The following ITGB8 variants were observed in gnomAD, a reference collection of about 807,000 sequenced individuals.
ITGB8 encodes integrin beta-8.
ITGB8 carries 30 observed loss-of-function variants against 89.5 expected under a neutral mutation model. That is an observed-to-expected ratio of 0.34 (90% CI 0.25 to 0.45). The LOEUF (loss-of-function observed/expected upper bound fraction) is 0.45, where lower values mean the gene tolerates loss of function less well. Ranked by LOEUF, ITGB8 falls within the 20% of genes least tolerant of loss-of-function variation. The pLI, the probability that ITGB8 is intolerant of heterozygous loss-of-function variation, is 1.00. For synonymous variants in ITGB8, 335 were observed against 320.4 expected (o/e 1.05, Z -0.49); for missense variants, 836 against 933.3 (o/e 0.90, Z 1.36).
chr7:20,363,842 A>G, intron 2 of ITGB8, 120 bp downstream of exon 2: 1 of 477,568 alleles, frequency 2.1e-6, no homozygotes, highest in Non-Finnish European at 3.7e-6. Context: ...GCTGAACATA[A>G]GGAAAATTTT....
intron 7 of ITGB8, 102 bp from the exon 8 acceptor site, chr7:20,394,794 G>A (rs1389034144): frequency 2.5e-6 from 2 of 785,806 alleles, no homozygotes; most frequent in Non-Finnish European, 4.3e-6. Context: ...TCATTTAATG[G>A]TTCACCTTCA....
At chr7:20,382,681 GT>G (rs111617774) in intron 6 of ITGB8, among the ~76,000 whole-genome samples, 1 of 152,064 alleles carries the variant, frequency 6.6e-6, no homozygotes, top group African/African-American at 2.4e-5. Context: ...TAATAGTTCT[GT>G]TTTTTTAAGT....
Position 20,394,609 on chromosome 7 carries a change from A to C in ITGB8, c.1057-287A>C, listed in dbSNP as rs377163288. Among the ~76,000 whole-genome samples the C allele has an allele frequency of 2.6e-5, 4 of 152,304 alleles. No individual in the cohort carries two copies. The South Asian group carries it at 8.3e-4, about 32-fold the overall frequency. On this transcript the variant is annotated intron_variant, in intron 7 of 13. Transcript: ENST00000222573. ...CTTGGGCTTTACATTCCATGGAAGA[A>C]ATTTGGGAGATGCTCATCTGCATTT...
chr7:20,379,526 C>CAA (rs34759507), intron 4 of ITGB8: 65,115 of 178,482 alleles, frequency 0.36, 12,097 homozygotes, highest in Non-Finnish European at 0.4. Context: ...TTTTTATCAC[C>CAA]AAAAAAAACA....
intron 8 of ITGB8, 62 bp downstream of exon 8, chr7:20,395,047 T>C: frequency 4.3e-6 from 4 of 920,596 alleles, no homozygotes; most frequent in Non-Finnish European, 6.9e-6. Context: ...TGTGACAAGG[T>C]ACAAAGTAGT....
intron 3 of ITGB8, among the ~76,000 whole-genome samples, chr7:20,374,175 ACT>A (rs1786042740): frequency 6.6e-6 from 1 of 152,162 alleles, no homozygotes; most frequent in Non-Finnish European, 1.5e-5. Context: ...TCTTAGAGAA[ACT>A]CTGTGGAAGC....
chr7:20,409,985 G>A lies in ITGB8; in HGVS notation c.2298G>A (p.Arg766=), dbSNP rs753940867. ...AATTAAATGCTCATGAAACTTTCAG[G>A]TGCAACTTCTAAAAAAAGATTTTTA... The part of the protein sequence containing the change: ...ISKLNAHETF[R]CNF Residue 766 remains arginine (R), a synonymous_variant, in exon 14 of 14, where the codon AGG becomes AGA. Coordinates refer to ENST00000222573, the MANE Select transcript of ITGB8 (RefSeq NM_002214.3). 4 of 1,607,826 alleles carry A rather than the reference G, an allele frequency of 2.5e-6. No individual in the cohort carries two copies. The highest frequency in any genetic ancestry group is 3.4e-5 in the Admixed American group (2 of 58,572).
chr7:20,360,818 A>T (rs2127939446), intron 1 of ITGB8, among the ~76,000 whole-genome samples: 1 of 150,882 alleles, frequency 6.6e-6, no homozygotes, highest in Admixed American at 6.6e-5. Flanking sequence ...ATGTAAACAC[A>T]GGTGTCTTTT....
rs566296097 is a variant in ITGB8 at position 20,349,562 on chromosome 7, G to A, written c.128-14075G>A. Among the ~76,000 whole-genome samples, 28 of 151,850 alleles carry A rather than the reference G, an allele frequency of 1.8e-4. No homozygotes were observed. In the South Asian group the frequency reaches 5.8e-3, roughly 32 times the overall value. On this transcript the variant is annotated intron_variant, in intron 1 of 13. Coordinates refer to ENST00000222573, the MANE Select transcript of ITGB8 (RefSeq NM_002214.3). Reference sequence around the variant, plus strand: ...AGATTTTTTATTATCTCACAAACAAGTTCAATCCATACAAAAAAGTATTAA... The same window carrying A: ...AGATTTTTTATTATCTCACAAACAAATTCAATCCATACAAAAAAGTATTAA...
intron 1 of ITGB8, among the ~76,000 whole-genome samples, chr7:20,359,466 G>A (rs1376298630): frequency 3.3e-5 from 5 of 152,234 alleles, no homozygotes; most frequent in Non-Finnish European, 7.3e-5. Flanking sequence ...GTGCAGTGCT[G>A]AGGGCTGCTA....
chr7:20,393,676 T>C (rs1419604345), intron 7 of ITGB8, among the ~76,000 whole-genome samples: 4 of 152,274 alleles, frequency 2.6e-5, no homozygotes, highest in Non-Finnish European at 4.4e-5. Context: ...ATGCTTCTAA[T>C]CCTCCTGTGC....
rs547129704 is a variant in ITGB8, at chr7:20,350,522, G to GTACA, written c.128-13113_128-13110dup. ...AACAGTCCCATAAACTCACAGAACT[G>GTACA]TACATGCTATAAAGCAAATGTTCTC... On this transcript the variant is annotated intron_variant, in intron 1 of 13. Transcript: ENST00000222573. Among the ~76,000 whole-genome samples, 19 of 152,312 alleles carry GTACA rather than the reference G, an allele frequency of 1.2e-4. No homozygotes were observed. The East Asian group carries it at 2.7e-3, about 22-fold the overall frequency.
chr7:20,361,977 G>A (rs752039086), intron 1 of ITGB8, among the ~76,000 whole-genome samples: 39 of 152,280 alleles, frequency 2.6e-4, no homozygotes, highest in Non-Finnish European at 1.2e-4. Flanking sequence ...AGGCATAGAA[G>A]GAGATACATA....
At chr7:20,341,969 T>C (rs539530648) in intron 1 of ITGB8, among the ~76,000 whole-genome samples, 37 of 152,214 alleles carry the variant, frequency 2.4e-4, no homozygotes, top group African/African-American at 6.5e-4. Context: ...AGAACGATCA[T>C]TGGATGTTAC....
chr7:20,344,652 C>A (rs1784864097), intron 1 of ITGB8, among the ~76,000 whole-genome samples: 1 of 152,152 alleles, frequency 6.6e-6, no homozygotes, highest in African/African-American at 2.4e-5. Context: ...TGCAGAATGG[C>A]CAGAGGAGCA....
At chr7:20,376,017 A>T (rs1477738582) in intron 3 of ITGB8, among the ~76,000 whole-genome samples, 1 of 152,156 alleles carries the variant, frequency 6.6e-6, no homozygotes, top group Non-Finnish European at 1.5e-5. Flanking sequence ...GGCTTGTCCT[A>T]CTTGGGAGGA....
intron 3 of ITGB8, among the ~76,000 whole-genome samples, chr7:20,374,899 T>C (rs1265979236): frequency 6.6e-6 from 1 of 151,978 alleles, no homozygotes; most frequent in Non-Finnish European, 1.5e-5. Flanking sequence ...ATCGACTCGG[T>C]GGTATAGATA....
intron 1 of ITGB8, among the ~76,000 whole-genome samples, chr7:20,347,518 A>G (rs1784967983): frequency 6.6e-6 from 1 of 152,240 alleles, no homozygotes; most frequent in Non-Finnish European, 1.5e-5. Flanking sequence ...AAAAGCAAAA[A>G]GTCTTGGTGA....
intron 11 of ITGB8, among the ~76,000 whole-genome samples, chr7:20,405,666 C>A (rs1787512267): frequency 6.6e-6 from 1 of 151,576 alleles, no homozygotes; most frequent in South Asian, 2.1e-4. Context: ...TGTGACACAC[C>A]CTAGAAATAA....
Sources: allele counts gnomAD v4.1 joint callset (sites outside exome capture counted in the v4.1 genomes callset), GRCh38; gene constraint gnomAD v4.1.1; transcripts MANE v1.5; gene names NCBI Gene and HGNC (gene_info 2026-07-23, HGNC 2026-07-21).